The following IER3 variants were observed in gnomAD, a reference collection of about 807,000 sequenced individuals.
IER3 encodes radiation-inducible immediate-early gene IEX-1.
In IER3, 5 loss-of-function variants were observed where a neutral mutation model predicts 5.4. The ratio of observed to expected loss-of-function variants is 0.92; its 90% CI spans 0.48 to 1.94. The LOEUF (loss-of-function observed/expected upper bound fraction) is 1.94, where lower values mean the gene tolerates loss of function less well. IER3 is among the 30% of genes most tolerant of loss of function. The pLI is 0.01. For missense variants in IER3, 158 were observed against 218.2 expected (o/e 0.72, Z 1.74); for synonymous variants, 81 against 97.8 (o/e 0.83, Z 1.01).
At position 30,744,052 on chromosome 6, in the gene IER3, A is replaced by G; in HGVS notation, c.355T>C (p.Ser119Pro). The G allele has an allele frequency of 6.2e-7, 1 of 1,613,920 alleles. No homozygotes were observed. The highest frequency in any genetic ancestry group is 8.5e-7 in the Non-Finnish European group (1 of 1,179,932). Reference protein sequence around the residue: ...LPPEDAPNAASLAPTPVSAVL... With the variant: ...LPPEDAPNAAPLAPTPVSAVL... ...GCGGACACAGGGGTGGGCGCCAGGGATGCGGCGTTAGGGGCGTCCTCTGGA... is the reference window on the plus strand; with the variant it reads ...GCGGACACAGGGGTGGGCGCCAGGGGTGCGGCGTTAGGGGCGTCCTCTGGA... Residue 119 changes from serine (S) to proline (P), a missense_variant, in exon 2 of 2, where the codon TCC becomes CCC. Coordinates refer to ENST00000259874, the MANE Select transcript of IER3 (RefSeq NM_003897.4). This position sits in a 1 kb window ranked among gnomAD's most constrained non-coding sequence, Gnocchi z 6.0.
In IER3 at chr6:30,744,023, G is replaced by A. The variant is rs552477891; in HGVS notation, c.384C>T (p.Val128=). The A allele has an allele frequency of 6.2e-7, 1 of 1,613,954 alleles. No homozygotes were observed. The highest frequency in any genetic ancestry group is 8.5e-7 in the Non-Finnish European group (1 of 1,179,980). ...CCGAAGTCAGATTAAAGGGCTCGAG[G>A]ACGGCGGACACAGGGGTGGGCGCCA... ...ASLAPTPVSA[V]LEPFNLTSEP... Residue 128 remains valine (V), a synonymous_variant, in exon 2 of 2, where the codon GTC becomes GTT. Transcript: ENST00000259874. The surrounding 1 kb of genome is among the most constrained non-coding windows in gnomAD (Gnocchi z 6.0).
In IER3 at chr6:30,743,792, G is replaced by A; in HGVS notation, c.*144C>T. The A allele has an allele frequency of 8.6e-7, 1 of 1,165,166 alleles. No individual in the cohort carries two copies. 72.2% of individuals were successfully genotyped at this position (1,165,166 alleles called of 1,614,324 possible). On this transcript the variant is annotated 3_prime_UTR_variant, in exon 2 of 2. Transcript: ENST00000259874. The surrounding 1 kb of genome is among the most constrained non-coding windows in gnomAD (Gnocchi z 6.5). ...TCTGTGCGCCTCGGTCCCGCCTCAA[G>A]CACCGGGTGGCGTCTCCGCTGTAGT...
At position 30,744,521 on chromosome 6, in the gene IER3, T is replaced by A; in HGVS notation, c.-3A>T. ...TGGCAGCTGCGAGAGTGACACATGG[T>A]GAGCCGAGCGGAGTGTAAGGCCAAG... On this transcript the variant is annotated 5_prime_UTR_variant, in exon 1 of 2. Coordinates refer to ENST00000259874, the MANE Select transcript of IER3 (RefSeq NM_003897.4). The surrounding 1 kb of genome is among the most constrained non-coding windows in gnomAD (Gnocchi z 6.0). The A allele has an allele frequency of 6.7e-7, 1 of 1,483,676 alleles. No homozygotes were observed. The highest frequency in any genetic ancestry group is 8.9e-7 in the Non-Finnish European group (1 of 1,120,786). The allele number at this position is 1,483,676 out of a possible 1,614,324, so 91.9% of individuals were successfully genotyped here. A position where few individuals can be genotyped will look rare whatever the true frequency, so the allele number is the denominator to read the frequency against.
rs1033233379 is a variant in IER3, at chr6:30,744,504, G to A, written c.15C>T (p.Arg5=). Residue 5 remains arginine, a synonymous_variant, in exon 1 of 2, where the codon CGC becomes CGT. Coordinates refer to ENST00000259874, the MANE Select transcript of IER3 (RefSeq NM_003897.4). This position sits in a 1 kb window ranked among gnomAD's most constrained non-coding sequence, Gnocchi z 6.0. MCHS[R]SCHPTMTILQ... Reference sequence around the variant, plus strand: ...GGATGGTCATGGTCGGGTGGCAGCTGCGAGAGTGACACATGGTGAGCCGAG... The same window carrying A: ...GGATGGTCATGGTCGGGTGGCAGCTACGAGAGTGACACATGGTGAGCCGAG... 2.8e-5 allele frequency: 42 copies of A among 1,499,254 alleles called. No homozygotes were observed. The highest frequency in any genetic ancestry group is 3.6e-5 in the Non-Finnish European group (41 of 1,129,128). The allele number at this position is 1,499,254 out of a possible 1,614,324, so 92.9% of individuals were successfully genotyped here.
chr6:30,744,162 G>A lies in IER3; in HGVS notation c.245C>T (p.Pro82Leu). Residue 82 changes from proline to leucine, a missense_variant, in exon 2 of 2, where the codon CCA becomes CTA. Physicochemically the swap from Pro to Leu is moderately conservative, Grantham distance 98. Coordinates refer to ENST00000259874, the MANE Select transcript of IER3 (RefSeq NM_003897.4). The surrounding 1 kb of genome is among the most constrained non-coding windows in gnomAD (Gnocchi z 6.0). The part of the protein sequence containing the change: ...RRQLPVEEPN[P>L]AKRLLFLLLT... The stretch of plus-strand genomic sequence containing the variant: ...CAGCAGAAAGAGAAGCCTTTTGGCT[G>A]GGTTCGGTTCCTCGACTGGCAGCTG... 6.2e-7 allele frequency: 1 copy of A among 1,613,960 alleles called. No homozygotes were observed. Among genetic ancestry groups the A allele is most frequent in the East Asian group, 2.2e-5 (1 of 44,882 alleles).
Position 30,744,490 on chromosome 6 carries a change from G to A in IER3, c.29C>T (p.Thr10Ile). 1 of 1,509,544 alleles carries A rather than the reference G, an allele frequency of 6.6e-7. No individual in the cohort carries two copies. The highest frequency in any genetic ancestry group is 8.8e-7 in the Non-Finnish European group (1 of 1,134,336). 93.5% of individuals were successfully genotyped at this position (1,509,544 alleles called of 1,614,324 possible). ...GGTCGGGGCCTGCAGGATGGTCATGGTCGGGTGGCAGCTGCGAGAGTGACA... is the reference window on the plus strand; with the variant it reads ...GGTCGGGGCCTGCAGGATGGTCATGATCGGGTGGCAGCTGCGAGAGTGACA... MCHSRSCHP[T>I]MTILQAPTPA... The change falls in exon 1 of 2, where the codon ACC becomes ATC. Residue 10 changes from threonine (T) to isoleucine (I), a missense_variant. Thr to Ile is a moderately conservative substitution (Grantham distance 89, BLOSUM62 -1). Coordinates refer to ENST00000259874, the MANE Select transcript of IER3 (RefSeq NM_003897.4). The surrounding 1 kb of genome is among the most constrained non-coding windows in gnomAD (Gnocchi z 6.0).
At position 30,744,444 on chromosome 6, in the gene IER3, C is replaced by T; in HGVS notation, c.75G>A (p.Pro25=). Residue 25 remains proline, a synonymous_variant, in exon 1 of 2, where the codon CCG becomes CCA. Transcript: ENST00000259874. The surrounding 1 kb of genome is among the most constrained non-coding windows in gnomAD (Gnocchi z 6.0). ...QAPTPAPSTI[P]GPRRGSGPEI... ...CAGGACCGGAGCCCCGCCGGGGTCC[C>T]GGGATGGTGGAGGGGGCCGGGGTCG... 1 of 1,537,352 alleles carries T rather than the reference C, an allele frequency of 6.5e-7. No individual in the cohort carries two copies. Among genetic ancestry groups the T allele is most frequent in the Non-Finnish European group, 8.7e-7 (1 of 1,148,630 alleles).
In IER3 at chr6:30,744,059, G is replaced by A; in HGVS notation, c.348C>T (p.Asn116=). Residue 116 remains asparagine, a synonymous_variant, in exon 2 of 2, where the codon AAC becomes AAT. Coordinates refer to ENST00000259874, the MANE Select transcript of IER3 (RefSeq NM_003897.4). This position sits in a 1 kb window ranked among gnomAD's most constrained non-coding sequence, Gnocchi z 6.0. The part of the protein sequence containing the change: ...PAPLPPEDAP[N]AASLAPTPVS... ...CAGGGGTGGGCGCCAGGGATGCGGCGTTAGGGGCGTCCTCTGGAGGCAGGG... is the reference window on the plus strand; with the variant it reads ...CAGGGGTGGGCGCCAGGGATGCGGCATTAGGGGCGTCCTCTGGAGGCAGGG... 6 of 1,614,050 alleles carry A rather than the reference G, an allele frequency of 3.7e-6. No individual in the cohort carries two copies. In the African/African-American group the frequency reaches 4.0e-5, roughly 11 times the overall value.
rs1778188585 is a variant in IER3, at chr6:30,743,675, T to C, written c.*261A>G. The C allele has an allele frequency of 1.8e-6, 1 of 547,674 alleles. No individual in the cohort carries two copies. 33.9% of individuals were successfully genotyped at this position (547,674 alleles called of 1,614,324 possible). On this transcript the variant is annotated 3_prime_UTR_variant, in exon 2 of 2. Coordinates refer to ENST00000259874, the MANE Select transcript of IER3 (RefSeq NM_003897.4). The surrounding 1 kb of genome is among the most constrained non-coding windows in gnomAD (Gnocchi z 6.5). ...GTACATAAATACATATAAATATTAATTAGGAGCAATAAGAAATAAATTAAC... is the reference window on the plus strand; with the variant it reads ...GTACATAAATACATATAAATATTAACTAGGAGCAATAAGAAATAAATTAAC...
chr6:30,744,379 G>T lies in IER3; in HGVS notation c.140C>A (p.Ala47Asp). Residue 47 changes from alanine to aspartate, a missense_variant, in exon 1 of 2, where the codon GCC becomes GAC. Coordinates refer to ENST00000259874, the MANE Select transcript of IER3 (RefSeq NM_003897.4). This position sits in a 1 kb window ranked among gnomAD's most constrained non-coding sequence, Gnocchi z 6.0. Reference protein sequence around the residue: ...TFDPLPEPAAAPAGRPSASRG... With the variant: ...TFDPLPEPAADPAGRPSASRG... ...AGAGGCGCTGGGGCGCCCGGCAGGG[G>T]CCGCTGCGGGCTCCGGGAGAGGGTC... 1 of 1,600,196 alleles carries T rather than the reference G, an allele frequency of 6.2e-7. No individual in the cohort carries two copies. Among genetic ancestry groups the T allele is most frequent in the Non-Finnish European group, 8.5e-7 (1 of 1,175,344 alleles).
At position 30,744,547 on chromosome 6, in the gene IER3, T is replaced by C. The variant is rs751539796; in HGVS notation, c.-29A>G. ...GAGCCGAGCGGAGTGTAAGGCCAAG[T>C]GAGGGTCGGCTGCCGGCAGAGGTAA... On this transcript the variant is annotated 5_prime_UTR_variant, in exon 1 of 2. Transcript: ENST00000259874. The surrounding 1 kb of genome is among the most constrained non-coding windows in gnomAD (Gnocchi z 6.0). The C allele has an allele frequency of 1.4e-6, 2 of 1,438,942 alleles. No homozygotes were observed. Among genetic ancestry groups the C allele is most frequent in the Non-Finnish European group, 1.8e-6 (2 of 1,096,006 alleles). 89.1% of individuals were successfully genotyped at this position (1,438,942 alleles called of 1,614,324 possible).
Position 30,744,231 on chromosome 6 carries a change from G to T in IER3, c.211-35C>A, listed in dbSNP as rs1778236017. On this transcript the variant is annotated intron_variant, in intron 1 of 1. Transcript: ENST00000259874. This position sits in a 1 kb window ranked among gnomAD's most constrained non-coding sequence, Gnocchi z 6.0. ...GACAAAACAGGAGACAGGTCAGGTC[G>T]AGGCCTCTGGAGTCGGGTCGTTCCC... 6.2e-7 allele frequency: 1 copy of T among 1,613,058 alleles called. No homozygotes were observed. The highest frequency in any genetic ancestry group is 8.5e-7 in the Non-Finnish European group (1 of 1,180,028).
rs777915615 is a variant in IER3 at position 30,744,546 on chromosome 6, G to C, written c.-28C>G. The C allele has an allele frequency of 1.1e-4, 156 of 1,439,776 alleles. No homozygotes were observed. The highest frequency in any genetic ancestry group is 1.4e-4 in the Non-Finnish European group (151 of 1,096,264). 89.2% of individuals were successfully genotyped at this position (1,439,776 alleles called of 1,614,324 possible). ...TGAGCCGAGCGGAGTGTAAGGCCAAGTGAGGGTCGGCTGCCGGCAGAGGTA... is the reference window on the plus strand; with the variant it reads ...TGAGCCGAGCGGAGTGTAAGGCCAACTGAGGGTCGGCTGCCGGCAGAGGTA... On this transcript the variant is annotated 5_prime_UTR_variant, in exon 1 of 2. Transcript: ENST00000259874. The surrounding 1 kb of genome is among the most constrained non-coding windows in gnomAD (Gnocchi z 6.0).
At position 30,743,819 on chromosome 6, in the gene IER3, TTC is replaced by T; in HGVS notation, c.*115_*116del. Reference sequence around the variant, plus strand: ...ACCGGGTGGCGTCTCCGCTGTAGTGTTCTGAGTTCAAGTTGCCTCGGAAGTCC... The same window carrying T: ...ACCGGGTGGCGTCTCCGCTGTAGTGTTGAGTTCAAGTTGCCTCGGAAGTCC... On this transcript the variant is annotated 3_prime_UTR_variant, in exon 2 of 2. Coordinates refer to ENST00000259874, the MANE Select transcript of IER3 (RefSeq NM_003897.4). The surrounding 1 kb of genome is among the most constrained non-coding windows in gnomAD (Gnocchi z 6.5). The T allele has an allele frequency of 7.1e-7, 1 of 1,406,422 alleles. No individual in the cohort carries two copies. The highest frequency in any genetic ancestry group is 9.7e-7 in the Non-Finnish European group (1 of 1,032,030). 87.1% of individuals were successfully genotyped at this position (1,406,422 alleles called of 1,614,324 possible).
rs1416363323 is a variant in IER3 at position 30,744,524 on chromosome 6, G to A, written c.-6C>T. On this transcript the variant is annotated 5_prime_UTR_variant, in exon 1 of 2. Transcript: ENST00000259874. The surrounding 1 kb of genome is among the most constrained non-coding windows in gnomAD (Gnocchi z 6.0). ...CAGCTGCGAGAGTGACACATGGTGAGCCGAGCGGAGTGTAAGGCCAAGTGA... is the reference window on the plus strand; with the variant it reads ...CAGCTGCGAGAGTGACACATGGTGAACCGAGCGGAGTGTAAGGCCAAGTGA... 4.1e-6 allele frequency: 6 copies of A among 1,478,972 alleles called. No homozygotes were observed. Among genetic ancestry groups the A allele is most frequent in the South Asian group, 1.4e-5 (1 of 71,500 alleles). 91.6% of individuals were successfully genotyped at this position (1,478,972 alleles called of 1,614,324 possible). A position where few individuals can be genotyped will look rare whatever the true frequency, so the allele number is the denominator to read the frequency against.
chr6:30,744,285 A>C lies in IER3; in HGVS notation c.210+24T>G. The C allele has an allele frequency of 6.2e-7, 1 of 1,612,714 alleles. No individual in the cohort carries two copies. On this transcript the variant is annotated intron_variant, in intron 1 of 1. Coordinates refer to ENST00000259874, the MANE Select transcript of IER3 (RefSeq NM_003897.4). This position sits in a 1 kb window ranked among gnomAD's most constrained non-coding sequence, Gnocchi z 6.0. Reference sequence around the variant, plus strand: ...TGACTCCAGGGCAGCGCACCCCGCGAATGCCCACTTCGGCGATACTCACCA... The same window carrying C: ...TGACTCCAGGGCAGCGCACCCCGCGCATGCCCACTTCGGCGATACTCACCA...
Position 30,743,892 on chromosome 6 carries a change from T to C in IER3, c.*44A>G. The C allele has an allele frequency of 6.3e-7, 1 of 1,584,816 alleles. No homozygotes were observed. The highest frequency in any genetic ancestry group is 1.2e-5 in the South Asian group (1 of 85,948). ...CGCACCAGGTACGCCTGGTGTTTCTTTGTGGTTTTTCGGATTCTTTTTGGG... is the reference window on the plus strand; with the variant it reads ...CGCACCAGGTACGCCTGGTGTTTCTCTGTGGTTTTTCGGATTCTTTTTGGG... On this transcript the variant is annotated 3_prime_UTR_variant, in exon 2 of 2. Transcript: ENST00000259874. The surrounding 1 kb of genome is among the most constrained non-coding windows in gnomAD (Gnocchi z 6.5).
chr6:30,744,430 C>T lies in IER3; in HGVS notation c.89G>A (p.Gly30Asp), dbSNP rs1310162452. The change falls in exon 1 of 2, where the codon GGC (glycine) becomes GAC (aspartate). Residue 30 changes from glycine to aspartate, a missense_variant. Coordinates refer to ENST00000259874, the MANE Select transcript of IER3 (RefSeq NM_003897.4). This position sits in a 1 kb window ranked among gnomAD's most constrained non-coding sequence, Gnocchi z 6.0. The stretch of plus-strand genomic sequence containing the variant: ...GAAGGTGAAGATCTCAGGACCGGAG[C>T]CCCGCCGGGGTCCCGGGATGGTGGA... ...APSTIPGPRR[G>D]SGPEIFTFDP... 3 of 1,545,326 alleles carry T rather than the reference C, an allele frequency of 1.9e-6. No individual in the cohort carries two copies. Among genetic ancestry groups the T allele is most frequent in the Non-Finnish European group, 2.6e-6 (3 of 1,152,582 alleles).
Position 30,744,304 on chromosome 6 carries a change from C to G in IER3, c.210+5G>C, listed in dbSNP as rs1402031245. ...CCCGCGAATGCCCACTTCGGCGATA[C>G]TCACCACTCGAGGGTAGAGAACCCT... On this transcript the variant is annotated splice_donor_5th_base_variant and intron_variant, in intron 1 of 1. Transcript: ENST00000259874. This position sits in a 1 kb window ranked among gnomAD's most constrained non-coding sequence, Gnocchi z 6.0. 1 of 1,612,826 alleles carries G rather than the reference C, an allele frequency of 6.2e-7. No homozygotes were observed. The highest frequency in any genetic ancestry group is 1.3e-5 in the African/African-American group (1 of 75,056).
Sources: gnomAD v4.1 joint callset for allele counts on GRCh38, gnomAD v4.1.1 for gene constraint, Gnocchi (gnomAD v3.1) non-coding constraint, MANE v1.5 for transcripts, NCBI Gene and HGNC (gene_info 2026-07-23, HGNC 2026-07-21) for gene names.